The following TRPC6 variants were observed in gnomAD, a reference collection of about 807,000 sequenced individuals.
The protein encoded by TRPC6 is short transient receptor potential channel 6.
Under a neutral mutation model 90.7 loss-of-function variants are expected in TRPC6, and 55 were observed. The ratio of observed to expected loss-of-function variants is 0.61; its 90% CI spans 0.49 to 0.76. TRPC6 has a LOEUF of 0.76. TRPC6 is among the 30% of genes least tolerant of loss of function. The probability of loss-of-function intolerance (pLI) is 0.00; values close to 1 mark genes in which losing one functional copy is unlikely to be tolerated. For missense variants in TRPC6, 989 were observed against 1,122.7 expected, an observed-to-expected ratio of 0.88 and a Z score of 1.70; for synonymous variants, 393 against 393.0, an observed-to-expected ratio of 1.00 and a Z score of 0.00.
intron 5 of TRPC6, 55 bp downstream of exon 5, chr11:101,482,894 T>G (rs1859585724): frequency 4.5e-6 from 7 of 1,539,302 alleles, no homozygotes; most frequent in Middle Eastern, 2.0e-4. Context: ...TCAGTGTCAT[T>G]CAGTCCAACT....
At chr11:101,473,349 A>T (rs1211343441) in intron 7 of TRPC6, among the ~76,000 whole-genome samples, 160 bp downstream of exon 7, 1 of 152,200 alleles carries the variant, frequency 6.6e-6, no homozygotes, top group Non-Finnish European at 1.5e-5. Context: ...TATATTTTAG[A>T]GTCCCTCCAA....
chr11:101,542,797 G>T (rs10791499), intron 1 of TRPC6, among the ~76,000 whole-genome samples: 54,686 of 151,636 alleles, frequency 0.36, 10,202 homozygotes, highest in East Asian at 0.44. Context: ...CATCTAAACA[G>T]ATTAAAATTC....
At chr11:101,527,242 T>C (rs1018687182) in intron 1 of TRPC6, among the ~76,000 whole-genome samples, 1 of 152,216 alleles carries the variant, frequency 6.6e-6, no homozygotes, top group African/African-American at 2.4e-5. Context: ...TTGACAAGGC[T>C]CTGTTGAATT....
At chr11:101,565,072 T>C (rs1003966926) in intron 1 of TRPC6, among the ~76,000 whole-genome samples, 1 of 151,996 alleles carries the variant, frequency 6.6e-6, no homozygotes, top group Non-Finnish European at 1.5e-5. Flanking sequence ...CAGCTCAAAA[T>C]AGATTAAAGA....
intron 1 of TRPC6, among the ~76,000 whole-genome samples, chr11:101,525,300 T>C (rs978926271): frequency 2.0e-5 from 3 of 152,210 alleles, no homozygotes; most frequent in South Asian, 2.1e-4. Flanking sequence ...TAACTTAATA[T>C]CTCTTAGCTT....
intron 1 of TRPC6, among the ~76,000 whole-genome samples, chr11:101,556,079 G>A (rs1326016028): frequency 6.6e-6 from 1 of 152,112 alleles, no homozygotes; most frequent in Non-Finnish European, 1.5e-5. Context: ...GCAGTTCTAA[G>A]AGCAAAGCTT....
rs76872332 is a variant in TRPC6 at position 101,581,546 on chromosome 11, T to C, written c.170+1788A>G. On this transcript the variant is annotated intron_variant, in intron 1 of 12. Transcript: ENST00000344327. ...ACAGTCTAATTTTTAAAAAGCCGTATAAATTTTTAGTCACCTAGTTTAGCC... is the reference window on the plus strand; with the variant it reads ...ACAGTCTAATTTTTAAAAAGCCGTACAAATTTTTAGTCACCTAGTTTAGCC... 2.4e-3 allele frequency among the ~76,000 whole-genome samples: 370 copies of C among 152,340 alleles called. 1 individual carries two copies. The highest frequency in any genetic ancestry group is 8.4e-3 in the African/African-American group (348 of 41,586).
Position 101,489,106 on chromosome 11 carries a change from C to A in TRPC6, c.1129-5G>T. On this transcript the variant is annotated splice_polypyrimidine_tract_variant and splice_region_variant and intron_variant, in intron 3 of 12. Coordinates refer to ENST00000344327, the MANE Select transcript of TRPC6 (RefSeq NM_004621.6). ...GCAGTTTGGATGAGCTACAAACTAG[C>A]AGGGAAGTGACAAAATATTTAAATT... is the stretch of plus-strand genomic sequence containing the variant. The A allele has an allele frequency of 1.2e-6, 2 of 1,613,872 alleles. No individual in the cohort carries two copies. The highest frequency in any genetic ancestry group is 1.7e-6 in the Non-Finnish European group (2 of 1,179,820).
chr11:101,568,138 T>C (rs575334467), intron 1 of TRPC6, among the ~76,000 whole-genome samples: 1 of 152,208 alleles, frequency 6.6e-6, no homozygotes, highest in African/African-American at 2.4e-5. Flanking sequence ...GCTAGAAGAA[T>C]TGCTAACTAG....
In TRPC6 at chr11:101,459,874, A is replaced by T. The variant is rs1482325345; in HGVS notation, c.2485-4773T>A. On this transcript the variant is annotated intron_variant, in intron 10 of 12. Coordinates refer to ENST00000344327, the MANE Select transcript of TRPC6 (RefSeq NM_004621.6). ...TTTCTTTATAATATGAGTATATTAC[A>T]TTTGCGTAGTGTTTACGATTTTCAA... Among the ~76,000 whole-genome samples, 3 of 152,180 alleles carry T rather than the reference A, an allele frequency of 2.0e-5. No homozygotes were observed. The East Asian group carries it at 5.8e-4, about 29-fold the overall frequency.
At chr11:101,471,457 T>C in intron 8 of TRPC6, 71 bp from the exon 9 acceptor site, 2 of 1,515,338 alleles carry the variant, frequency 1.3e-6, no homozygotes, top group South Asian at 1.1e-5. Context: ...TTTAACATTG[T>C]GTAGCTAGAT....
At chr11:101,492,110 A>T (rs1859841000) in intron 2 of TRPC6, among the ~76,000 whole-genome samples, 1 of 151,682 alleles carries the variant, frequency 6.6e-6, no homozygotes, top group Non-Finnish European at 1.5e-5. Flanking sequence ...AAGTGCTGGG[A>T]TTACAGGCGT....
rs547341337 is a variant in TRPC6 at position 101,548,306 on chromosome 11, CAATAT to C, written c.170+35023_170+35027del. Among the ~76,000 whole-genome samples, 353 of 123,068 alleles carry C rather than the reference CAATAT, an allele frequency of 2.9e-3. 1 individual carries two copies. The highest frequency in any genetic ancestry group is 9.6e-3 in the African/African-American group (327 of 34,054). 80.7% of individuals were successfully genotyped at this position (123,068 alleles called of 152,430 possible). A position where few individuals can be genotyped will look rare whatever the true frequency, so the allele number is the denominator to read the frequency against. ...TATATAATTATATATAATTGAAATA[CAATAT>C]AATATATAATTATATATAATTGAAA... is the stretch of plus-strand genomic sequence containing the variant. On this transcript the variant is annotated intron_variant, in intron 1 of 12. Transcript: ENST00000344327.
chr11:101,457,968 A>C (rs1858923412), intron 10 of TRPC6, among the ~76,000 whole-genome samples: 3 of 152,188 alleles, frequency 2.0e-5, no homozygotes, highest in Non-Finnish European at 4.4e-5. Flanking sequence ...ACGTCATGAT[A>C]AATCCATTGT....
intron 1 of TRPC6, among the ~76,000 whole-genome samples, chr11:101,566,638 T>C (rs572065085): frequency 6.6e-5 from 10 of 152,076 alleles, no homozygotes; most frequent in South Asian, 6.3e-4. Flanking sequence ...CCCAGCGAGA[T>C]AGACGCAGAA....
chr11:101,460,638 G>A (rs1465074916), intron 10 of TRPC6, among the ~76,000 whole-genome samples: 1 of 152,048 alleles, frequency 6.6e-6, no homozygotes, highest in African/African-American at 2.4e-5. Context: ...ATCATAAATG[G>A]GAGTTAGGTG....
chr11:101,564,392 C>T (rs1410885934), intron 1 of TRPC6, among the ~76,000 whole-genome samples: 3 of 152,080 alleles, frequency 2.0e-5, no homozygotes, highest in Admixed American at 1.3e-4. Context: ...CTTTACTATA[C>T]AATCTTATGC....
At chr11:101,513,353 C>G (rs1325116329) in intron 1 of TRPC6, among the ~76,000 whole-genome samples, 1 of 152,114 alleles carries the variant, frequency 6.6e-6, no homozygotes, top group Non-Finnish European at 1.5e-5. Context: ...CCAGGATGAC[C>G]AAGCCAACAA....
intron 1 of TRPC6, among the ~76,000 whole-genome samples, chr11:101,516,347 A>G (rs965027285): frequency 3.3e-5 from 5 of 152,102 alleles, no homozygotes; most frequent in Admixed American, 6.5e-5. Flanking sequence ...AAGAACTACA[A>G]TTTTAAGATT....
Sources: gnomAD v4.1 joint callset for allele counts (sites outside exome capture counted in the v4.1 genomes callset) on GRCh38, gnomAD v4.1.1 for gene constraint, MANE v1.5 for transcripts, NCBI Gene and HGNC (gene_info 2026-07-23, HGNC 2026-07-21) for gene names.